The following EPHA6 variants were observed in gnomAD, a reference collection of about 807,000 sequenced individuals.
The protein encoded by EPHA6 is EPH receptor A6, also known as ephrin type-A receptor 6.
Under a neutral mutation model 112.0 loss-of-function variants are expected in EPHA6, and 50 were observed. The ratio of observed to expected loss-of-function variants is 0.45; its 90% CI spans 0.36 to 0.56. The LOEUF (loss-of-function observed/expected upper bound fraction) is 0.56, where lower values mean the gene tolerates loss of function less well. Ranked by LOEUF, EPHA6 falls within the 20% of genes least tolerant of loss-of-function variation. EPHA6 has a pLI of 0.00. For missense variants in EPHA6, 1,280 were observed against 1,417.4 expected (o/e 0.90, Z 1.56); for synonymous variants, 529 against 490.7 (o/e 1.08, Z -1.03).
At chr3:97,145,022 C>T (rs1177778025) in intron 3 of EPHA6, among the ~76,000 whole-genome samples, 3 of 151,492 alleles carry the variant, frequency 2.0e-5, no homozygotes, top group Admixed American at 6.6e-5. Context: ...CTCAAAGCTT[C>T]TTGAGCTCTT....
intron 7 of EPHA6, among the ~76,000 whole-genome samples, chr3:97,470,821 A>G (rs892407907): frequency 6.6e-6 from 1 of 151,678 alleles, no homozygotes; most frequent in African/African-American, 2.4e-5. Flanking sequence ...AATGAAATAT[A>G]TCATTTTAAT....
At chr3:97,707,038 T>C (rs530859861) in intron 14 of EPHA6, among the ~76,000 whole-genome samples, 1 of 152,152 alleles carries the variant, frequency 6.6e-6, no homozygotes, top group African/African-American at 2.4e-5. Flanking sequence ...TCTCTAGTGG[T>C]ACCCTTTTTA....
chr3:96,890,214 G>A (rs1296408969), intron 2 of EPHA6, among the ~76,000 whole-genome samples: 2 of 151,874 alleles, frequency 1.3e-5, no homozygotes, highest in Non-Finnish European at 2.9e-5. Flanking sequence ...AGTAAGAACA[G>A]CAAAAGGCAA....
chr3:97,513,677 G>T (rs1345887104), intron 10 of EPHA6, among the ~76,000 whole-genome samples: 2 of 152,006 alleles, frequency 1.3e-5, no homozygotes, highest in Non-Finnish European at 2.9e-5. Context: ...TGGGGAGAGT[G>T]GGGGTGGGAG....
intron 14 of EPHA6, chr3:97,648,596 T>G: frequency 8.6e-6 from 10 of 1,157,480 alleles, no homozygotes; most frequent in Non-Finnish European, 1.1e-5. Flanking sequence ...TTTAAGTACT[T>G]TCATTAACAT....
At chr3:97,647,157 A>G (rs1046486419) in intron 14 of EPHA6, among the ~76,000 whole-genome samples, 1 of 152,168 alleles carries the variant, frequency 6.6e-6, no homozygotes, top group African/African-American at 2.4e-5. Flanking sequence ...CAGAACTACA[A>G]GCAAGAAAGC....
chr3:96,893,792 A>G (rs918182137), intron 2 of EPHA6, among the ~76,000 whole-genome samples: 1 of 152,158 alleles, frequency 6.6e-6, no homozygotes, highest in Admixed American at 6.6e-5. Context: ...GCTATGTTGA[A>G]AGCAAAGGTT....
intron 11 of EPHA6, among the ~76,000 whole-genome samples, chr3:97,566,797 T>A (rs2093272987): frequency 1.3e-5 from 2 of 152,206 alleles, no homozygotes; most frequent in African/African-American, 4.8e-5. Context: ...TTTTTCTATA[T>A]GGACACCTTC....
At chr3:97,218,995 T>A (rs2078113541) in intron 3 of EPHA6, among the ~76,000 whole-genome samples, 1 of 152,024 alleles carries the variant, frequency 6.6e-6, no homozygotes, top group African/African-American at 2.4e-5. Flanking sequence ...AGTGTGGCAG[T>A]CAAATCTTCA....
intron 5 of EPHA6, among the ~76,000 whole-genome samples, chr3:97,355,712 C>G (rs893675134): frequency 3.3e-5 from 5 of 152,092 alleles, no homozygotes; most frequent in Admixed American, 6.6e-5. Flanking sequence ...ACGGATTAAT[C>G]TCTTCTTTCA....
intron 1 of EPHA6, among the ~76,000 whole-genome samples, chr3:96,860,576 A>G (rs1018780649): frequency 7.9e-5 from 12 of 152,126 alleles, no homozygotes; most frequent in Non-Finnish European, 1.5e-4. Flanking sequence ...TCCAAAGCCC[A>G]TAAAAGACTA....
At chr3:97,094,742 AT>A (rs1215720840) in intron 3 of EPHA6, among the ~76,000 whole-genome samples, 1 of 152,134 alleles carries the variant, frequency 6.6e-6, no homozygotes, top group Non-Finnish European at 1.5e-5. Flanking sequence ...TAGCCTTCAC[AT>A]TTTAAAAGGC....
chr3:97,539,099 CCTTCCTTT>C (rs1467357210), intron 11 of EPHA6, among the ~76,000 whole-genome samples: 2,258 of 132,252 alleles, frequency 0.017, 63 homozygotes, highest in African/African-American at 0.064. Context: ...TTCCTTCCTT[CCTTCCTTT>C]CTTTCTTTCT....
chr3:97,241,089 G>A (rs1057440056), intron 4 of EPHA6, among the ~76,000 whole-genome samples: 2 of 151,076 alleles, frequency 1.3e-5, no homozygotes, highest in South Asian at 2.1e-4. Flanking sequence ...TAAGTATCTC[G>A]TAAGTTTTAC....
intron 5 of EPHA6, among the ~76,000 whole-genome samples, chr3:97,374,325 C>G (rs569675632): frequency 6.6e-6 from 1 of 152,244 alleles, no homozygotes; most frequent in African/African-American, 2.4e-5. Flanking sequence ...ACCTACTAAT[C>G]ATGAATCAGT....
chr3:96,815,836 C>G (rs1172534813), intron 1 of EPHA6, among the ~76,000 whole-genome samples: 8 of 152,212 alleles, frequency 5.3e-5, no homozygotes, highest in Non-Finnish European at 1.2e-4. Flanking sequence ...GCATAAAGAT[C>G]TATAAAAAGT....
intron 2 of EPHA6, among the ~76,000 whole-genome samples, chr3:96,964,805 A>G (rs6762348): frequency 0.068 from 10,372 of 152,278 alleles, 388 homozygotes; most frequent in Middle Eastern, 0.12. Context: ...GAGTATATGC[A>G]TACTCAAGTG....
chr3:97,152,575 G>A (rs1440844966), intron 3 of EPHA6, among the ~76,000 whole-genome samples: 1 of 151,896 alleles, frequency 6.6e-6, no homozygotes, highest in Non-Finnish European at 1.5e-5. Context: ...GGAAGATTCT[G>A]TGTGTTCAAT....
intron 3 of EPHA6, among the ~76,000 whole-genome samples, chr3:97,108,897 G>A (rs1450667009): frequency 6.6e-6 from 1 of 152,110 alleles, no homozygotes; most frequent in African/African-American, 2.4e-5. Flanking sequence ...TCTTGCTCCA[G>A]CTTTCCATGT....
Sources: gnomAD v4.1 joint callset for allele counts (sites outside exome capture counted in the v4.1 genomes callset) on GRCh38, gnomAD v4.1.1 for gene constraint, MANE v1.5 for transcripts, NCBI Gene and HGNC (gene_info 2026-07-23, HGNC 2026-07-21) for gene names.